Variants in MECOM observed in about 807,000 individuals in gnomAD.
The protein encoded by MECOM is MDS1 and EVI1 complex locus.
A neutral mutation model predicts 116.3 loss-of-function variants in MECOM; 13 were observed. The observed-to-expected ratio is 0.11, with a 90% CI of 0.07 to 0.18. The LOEUF is 0.18. Among genes scored for constraint, MECOM ranks in the 10% least tolerant of loss-of-function variants. MECOM has a pLI of 1.00. For synonymous variants in MECOM, 528 were observed against 535.2 expected (o/e 0.99, Z 0.19); for missense variants, 1,299 against 1,509.0 (o/e 0.86, Z 2.31).
chr3:169,242,092 G>A (rs918102946), intron 2 of MECOM, among the ~76,000 whole-genome samples: 1 of 152,186 alleles, frequency 6.6e-6, no homozygotes, highest in African/African-American at 2.4e-5. Context: ...GCTCCCCATT[G>A]TGTTTATAGA....
intron 1 of MECOM, among the ~76,000 whole-genome samples, chr3:169,532,762 C>T (rs941460500): frequency 6.6e-6 from 1 of 152,114 alleles, no homozygotes; most frequent in Non-Finnish European, 1.5e-5. Context: ...GGCCCTACCC[C>T]ACATGCACAC....
chr3:169,557,336 G>A (rs73174354), intron 1 of MECOM, among the ~76,000 whole-genome samples: 9,103 of 152,130 alleles, frequency 0.06, 334 homozygotes, highest in African/African-American at 0.063. Context: ...AAAAAAAAGG[G>A]AACTTCATGG....
In MECOM at chr3:169,659,189, G is replaced by C. The variant is rs538485048; in HGVS notation, c.37+4147C>G. Among the ~76,000 whole-genome samples the C allele has an allele frequency of 4.6e-5, 7 of 152,136 alleles. No homozygotes were observed. The East Asian group carries it at 1.4e-3, about 29-fold the overall frequency. On this transcript the variant is annotated intron_variant, in intron 1 of 16. Coordinates refer to ENST00000651503, the MANE Select transcript of MECOM (RefSeq NM_004991.4). Reference sequence around the variant, plus strand: ...CTGTCCCTGCAGGAAGCCGGCCCCAGGGCCCAGGGGAGGCCTTGGCTCAGA... The same window carrying C: ...CTGTCCCTGCAGGAAGCCGGCCCCACGGCCCAGGGGAGGCCTTGGCTCAGA...
At chr3:169,258,445 AT>A (rs1757139042) in intron 2 of MECOM, among the ~76,000 whole-genome samples, 1 of 152,100 alleles carries the variant, frequency 6.6e-6, no homozygotes, top group Non-Finnish European at 1.5e-5. Flanking sequence ...TCTTTTATTC[AT>A]TTTTTTAAAA....
intron 2 of MECOM, among the ~76,000 whole-genome samples, chr3:169,270,299 A>G (rs1234110036): frequency 6.6e-6 from 1 of 152,178 alleles, no homozygotes; most frequent in Non-Finnish European, 1.5e-5. Flanking sequence ...TAAGTGAAAA[A>G]TAAATCCTAA....
intron 1 of MECOM, among the ~76,000 whole-genome samples, chr3:169,509,923 C>T (rs1256690149): frequency 6.6e-6 from 1 of 152,236 alleles, no homozygotes; most frequent in East Asian, 1.9e-4. Flanking sequence ...CAGGCTTACG[C>T]ATCTCTTGAC....
At chr3:169,163,335 T>C (rs1413582174) in intron 2 of MECOM, among the ~76,000 whole-genome samples, 1 of 152,160 alleles carries the variant, frequency 6.6e-6, no homozygotes, top group Non-Finnish European at 1.5e-5. Flanking sequence ...ATTCTCATCT[T>C]TGAAAACTCC....
At chr3:169,291,657 G>C (rs966854300) in intron 2 of MECOM, among the ~76,000 whole-genome samples, 1 of 152,190 alleles carries the variant, frequency 6.6e-6, no homozygotes, top group Non-Finnish European at 1.5e-5. Context: ...TATAGTCATT[G>C]TTATAGCATC....
chr3:169,227,586 TCTACCACAA>T (rs1307159836), intron 2 of MECOM, among the ~76,000 whole-genome samples: 1 of 152,338 alleles, frequency 6.6e-6, no homozygotes, highest in Non-Finnish European at 1.5e-5. Flanking sequence ...ACCCCAACCA[TCTACCACAA>T]AGTAGCACAT....
chr3:169,256,134 T>C (rs2149596545), intron 2 of MECOM, among the ~76,000 whole-genome samples: 1 of 152,272 alleles, frequency 6.6e-6, no homozygotes, highest in Admixed American at 6.5e-5. Context: ...CCAATATAAA[T>C]AATGGGTAGA....
intron 1 of MECOM, among the ~76,000 whole-genome samples, chr3:169,624,970 G>A (rs1771181707): frequency 6.6e-6 from 1 of 151,362 alleles, no homozygotes. Flanking sequence ...TGAAATCTCT[G>A]GCCATCCCCA....
intron 14 of MECOM, among the ~76,000 whole-genome samples, 194 bp downstream of exon 14, chr3:169,092,764 A>G (rs1720164490): frequency 6.6e-6 from 1 of 152,190 alleles, no homozygotes; most frequent in South Asian, 2.1e-4. Context: ...TCATAGGGTT[A>G]TGATGAAATT....
At chr3:169,245,416 G>T (rs1172243895) in intron 2 of MECOM, among the ~76,000 whole-genome samples, 2 of 152,116 alleles carry the variant, frequency 1.3e-5, no homozygotes, top group East Asian at 3.8e-4. Context: ...TGACAAGCTG[G>T]ATTTAGACAT....
chr3:169,093,708 G>A (rs1720587589), intron 13 of MECOM, among the ~76,000 whole-genome samples: 1 of 152,116 alleles, frequency 6.6e-6, no homozygotes, highest in South Asian at 2.1e-4. Context: ...CCTATGCACT[G>A]CAAGACTCAC....
chr3:169,295,802 C>T (rs1213907802), intron 2 of MECOM, among the ~76,000 whole-genome samples: 1 of 152,174 alleles, frequency 6.6e-6, no homozygotes, highest in African/African-American at 2.4e-5. Context: ...AAAGCAAAGA[C>T]ACCTTTTCAC....
chr3:169,431,821 T>C (rs1741690904), intron 1 of MECOM, among the ~76,000 whole-genome samples: 1 of 152,084 alleles, frequency 6.6e-6, no homozygotes, highest in Non-Finnish European at 1.5e-5. Flanking sequence ...AAATGAGGTG[T>C]AAGGCAACAC....
At position 169,122,619 on chromosome 3, in the gene MECOM, A is replaced by C; in HGVS notation, c.939T>G (p.His313Gln). The change falls in exon 6 of 17, where the codon CAT becomes CAG. Residue 313 changes from histidine (H) to glutamine (Q), a missense_variant. Physicochemically the swap from His to Gln is conservative, Grantham distance 24. This residue lies in a region of MECOM where 374 missense variants were observed against 433.4 expected (regional missense o/e 0.86). Transcript: ENST00000651503. ...CACATTCATAGTGCTTTCCACTGTC[A>C]TGTGACATCTGGTGGCGAATTAAAT... is the stretch of plus-strand genomic sequence containing the variant. ...KSNLIRHQMSHDSGKHYECEN... is the reference protein window; with the variant it reads ...KSNLIRHQMSQDSGKHYECEN... 1 of 1,614,084 alleles carries C rather than the reference A, an allele frequency of 6.2e-7. No homozygotes were observed. The highest frequency in any genetic ancestry group is 8.5e-7 in the Non-Finnish European group (1 of 1,179,940).
intron 2 of MECOM, among the ~76,000 whole-genome samples, chr3:169,320,323 G>A (rs1381588221): frequency 6.6e-6 from 1 of 152,186 alleles, no homozygotes; most frequent in Non-Finnish European, 1.5e-5. Flanking sequence ...GGAATAAACT[G>A]GGACTGTCTG....
At position 169,254,104 on chromosome 3, in the gene MECOM, A is replaced by G. The variant is rs149475945; in HGVS notation, c.376-110272T>C. 1.7e-3 allele frequency among the ~76,000 whole-genome samples: 258 copies of G among 152,242 alleles called. 1 individual carries two copies. Among genetic ancestry groups the G allele is most frequent in the African/African-American group, 5.8e-3 (242 of 41,564 alleles). On this transcript the variant is annotated intron_variant, in intron 2 of 16. Coordinates refer to ENST00000651503, the MANE Select transcript of MECOM (RefSeq NM_004991.4). ...TCTGAGTTCCCATGGGCACCAGGGT[A>G]CATTCTGTTATAAGACTTAGCATAT... is the stretch of plus-strand genomic sequence containing the variant.
Sources: gnomAD v4.1 joint callset for allele counts (sites outside exome capture counted in the v4.1 genomes callset) on GRCh38, gnomAD v4.1.1 for gene constraint, gnomAD v4.1.1 regional missense constraint, MANE v1.5 for transcripts, NCBI Gene and HGNC (gene_info 2026-07-23, HGNC 2026-07-21) for gene names.